The following SPATA31H1 variants were observed in gnomAD, a reference collection of about 807,000 sequenced individuals.
The protein encoded by SPATA31H1 is spermatogenesis-associated protein 31H1.
the SPATA31H1 span, among the ~76,000 whole-genome samples, chr2:27,546,549 T>C: frequency 3.9e-5 from 6 of 152,204 alleles, no homozygotes; most frequent in East Asian, 5.8e-4. Context: ...CTTTTTCTTA[T>C]TGAGACAAGA....
At chr2:27,572,216 G>A in the SPATA31H1 span, 1 of 398,484 alleles carries the variant, frequency 2.5e-6, no homozygotes, top group South Asian at 1.3e-4. Context: ...AATCTCCCAA[G>A]TTGACCCCAG....
the SPATA31H1 span, chr2:27,577,631 G>A: frequency 1.9e-6 from 3 of 1,614,102 alleles, no homozygotes; most frequent in Non-Finnish European, 2.5e-6. This position sits in a 1 kb window ranked among gnomAD's most constrained non-coding sequence, Gnocchi z 4.5. Flanking sequence ...TGACACCTGG[G>A]TTAGGACATC....
chr2:27,580,564 A>C, the SPATA31H1 span: 1 of 1,614,258 alleles, frequency 6.2e-7, no homozygotes, highest in Admixed American at 1.7e-5. Context: ...GGAGCAACTC[A>C]GACAAGTACT....
chr2:27,552,953 A>C, the SPATA31H1 span, among the ~76,000 whole-genome samples: 1 of 151,990 alleles, frequency 6.6e-6, no homozygotes, highest in Non-Finnish European at 1.5e-5. Context: ...TTCCTTTCTA[A>C]TTTGCATGGC....
chr2:27,554,128 C>G, the SPATA31H1 span, among the ~76,000 whole-genome samples: 1 of 151,988 alleles, frequency 6.6e-6, no homozygotes, highest in Non-Finnish European at 1.5e-5. Flanking sequence ...CATATTTCTA[C>G]AAACATTGTG....
At chr2:27,548,480 C>T in the SPATA31H1 span, among the ~76,000 whole-genome samples, 11 of 151,076 alleles carry the variant, frequency 7.3e-5, no homozygotes, top group East Asian at 1.2e-3. Context: ...TGGTGGTGTG[C>T]GCCTGTGGTC....
chr2:27,581,874 A>G, the SPATA31H1 span: 1 of 1,611,498 alleles, frequency 6.2e-7, no homozygotes, highest in Non-Finnish European at 8.5e-7. Context: ...AAGCCATTGC[A>G]GTCCCTCTGA....
the SPATA31H1 span, among the ~76,000 whole-genome samples, chr2:27,552,154 G>C: frequency 3.9e-5 from 6 of 151,966 alleles, no homozygotes; most frequent in Non-Finnish European, 8.8e-5. Flanking sequence ...ACATAGCTTA[G>C]CCAAGTTGAC....
chr2:27,571,080 C>T, the SPATA31H1 span: 1 of 398,508 alleles, frequency 2.5e-6, no homozygotes, highest in Non-Finnish European at 4.4e-6. Flanking sequence ...CTCAGAGCCA[C>T]AGCTAGAAGA....
At chr2:27,568,554 G>A in the SPATA31H1 span, 2 of 398,896 alleles carry the variant, frequency 5.0e-6, no homozygotes, top group Non-Finnish European at 8.8e-6. Context: ...AGAATCTGGG[G>A]GCTTGACCCC....
chr2:27,574,537 A>T, the SPATA31H1 span: 1 of 398,528 alleles, frequency 2.5e-6, no homozygotes, highest in Non-Finnish European at 4.4e-6. Flanking sequence ...TCTGGACAAC[A>T]CTTTCAAGGT....
chr2:27,538,002 A>G, the SPATA31H1 span, among the ~76,000 whole-genome samples: 1 of 152,100 alleles, frequency 6.6e-6, no homozygotes, highest in Non-Finnish European at 1.5e-5. Flanking sequence ...GAAACCTTTT[A>G]AAAAAGAGGG....
At chr2:27,540,359 C>G in the SPATA31H1 span, among the ~76,000 whole-genome samples, 66 of 118,196 alleles carry the variant, frequency 5.6e-4, no homozygotes, top group African/African-American at 2.1e-3. Context: ...CAGAGGCGCC[C>G]CTCACCTCCC....
At chr2:27,538,196 G>A in the SPATA31H1 span, among the ~76,000 whole-genome samples, 24 of 152,004 alleles carry the variant, frequency 1.6e-4, no homozygotes, top group Admixed American at 1.5e-3. Flanking sequence ...ATACAACTCT[G>A]TGCAGTTTGA....
At chr2:27,567,975 A>C in the SPATA31H1 span, 1 of 398,874 alleles carries the variant, frequency 2.5e-6, no homozygotes, top group South Asian at 1.3e-4. Context: ...AGTGAGCATA[A>C]CCCCCAAACC....
the SPATA31H1 span, among the ~76,000 whole-genome samples, chr2:27,548,387 T>C: frequency 1.1e-4 from 17 of 151,738 alleles, no homozygotes; most frequent in Non-Finnish European, 2.2e-4. Flanking sequence ...GCAGGAGGAT[T>C]GCTTGAGCTC....
At chr2:27,582,286 G>A in the SPATA31H1 span, 1 of 1,611,454 alleles carries the variant, frequency 6.2e-7, no homozygotes, top group Non-Finnish European at 8.5e-7. Context: ...CGCAGTTCCT[G>A]TGAGAGAACC....
the SPATA31H1 span, chr2:27,577,632 T>C: frequency 6.2e-7 from 1 of 1,614,114 alleles, no homozygotes; most frequent in Non-Finnish European, 8.5e-7. This position sits in a 1 kb window ranked among gnomAD's most constrained non-coding sequence, Gnocchi z 4.5. Context: ...GACACCTGGG[T>C]TAGGACATCG....
the SPATA31H1 span, among the ~76,000 whole-genome samples, chr2:27,559,301 C>T: frequency 2.0e-5 from 3 of 152,292 alleles, no homozygotes; most frequent in Admixed American, 2.0e-4. Flanking sequence ...TTTATTCTTA[C>T]TCCTAGGTAT....
Sources: allele counts gnomAD v4.1 joint callset (sites outside exome capture counted in the v4.1 genomes callset), GRCh38; gene constraint gnomAD v4.1.1; non-coding constraint Gnocchi (gnomAD v3.1); transcripts MANE v1.5; gene names NCBI Gene and HGNC (gene_info 2026-07-23, HGNC 2026-07-21).